Variants in ERG observed in about 807,000 individuals in gnomAD.
ERG encodes the protein ETS transcription factor ERG, also known as transcriptional regulator ERG.
Under a neutral mutation model 55.3 loss-of-function variants are expected in ERG, and 9 were observed. The observed-to-expected ratio is 0.16, with a 90% CI of 0.10 to 0.28. ERG has a LOEUF of 0.28. Among genes scored for constraint, ERG ranks in the 10% least tolerant of loss-of-function variants. ERG has a pLI of 1.00. For synonymous variants in ERG, 223 were observed against 237.3 expected (o/e 0.94, Z 0.55); for missense variants, 434 against 631.6 (o/e 0.69, Z 3.35).
intron 1 of ERG, among the ~76,000 whole-genome samples, chr21:38,618,066 C>T (rs1414843405): frequency 6.6e-6 from 1 of 152,176 alleles, no homozygotes; most frequent in African/African-American, 2.4e-5. Flanking sequence ...ACTTTGCCCA[C>T]TTGACAATGG....
In ERG at chr21:38,383,784, C is replaced by T; in HGVS notation, c.1059G>A (p.Glu353=). The part of the protein sequence containing the change: ...DPDEVARRWG[E]RKSKPNMNYD... Reference sequence around the variant, plus strand: ...AGTTCATGTTGGGTTTGCTCTTCCGCTCTCCCCAGCGCCGGGCCACCTCGT... The same window carrying T: ...AGTTCATGTTGGGTTTGCTCTTCCGTTCTCCCCAGCGCCGGGCCACCTCGT... Residue 353 remains glutamate, a synonymous_variant, in exon 10 of 10, where the codon GAG becomes GAA. Transcript: ENST00000288319. This position sits in a 1 kb window ranked among gnomAD's most constrained non-coding sequence, Gnocchi z 5.7. 6.2e-7 allele frequency: 1 copy of T among 1,614,172 alleles called. No homozygotes were observed. Among genetic ancestry groups the T allele is most frequent in the Non-Finnish European group, 8.5e-7 (1 of 1,180,032 alleles).
intron 2 of ERG, among the ~76,000 whole-genome samples, chr21:38,441,800 C>T (rs1304545628): frequency 6.6e-6 from 1 of 152,238 alleles, no homozygotes; most frequent in Non-Finnish European, 1.5e-5. Flanking sequence ...TGTTCCTCCC[C>T]TGCCTATTAC....
chr21:38,624,119 C>A (rs1225407548), intron 1 of ERG, among the ~76,000 whole-genome samples: 1 of 152,188 alleles, frequency 6.6e-6, no homozygotes, highest in East Asian at 1.9e-4. Context: ...ACTTGGCAGC[C>A]CCCACTCCTA....
At chr21:38,563,380 G>A (rs983521148) in intron 2 of ERG, among the ~76,000 whole-genome samples, 6 of 152,242 alleles carry the variant, frequency 3.9e-5, no homozygotes, top group Non-Finnish European at 7.3e-5. Context: ...AGTGGTGGAA[G>A]CTATGTATGT....
intron 9 of ERG, among the ~76,000 whole-genome samples, chr21:38,390,485 T>C (rs1987921881): frequency 6.6e-6 from 1 of 152,206 alleles, no homozygotes; most frequent in Non-Finnish European, 1.5e-5. Context: ...ATAGTAAGGT[T>C]ATGGGGTAGG....
chr21:38,451,012 A>T (rs2058936480), intron 1 of ERG: 1 of 434,324 alleles, frequency 2.3e-6, no homozygotes, highest in African/African-American at 2.0e-5. Flanking sequence ...AAGGCTGTAG[A>T]CTGGCCACTA....
intron 3 of ERG, among the ~76,000 whole-genome samples, chr21:38,408,861 T>C (rs1430881235): frequency 6.6e-6 from 1 of 152,166 alleles, no homozygotes; most frequent in Non-Finnish European, 1.5e-5. Context: ...AGGCATCACC[T>C]TTGCCTATGT....
intron 6 of ERG, among the ~76,000 whole-genome samples, chr21:38,399,750 C>A (rs1023335888): frequency 6.6e-6 from 1 of 152,234 alleles, no homozygotes; most frequent in South Asian, 2.1e-4. Context: ...CCCACCCCTG[C>A]TCCTACGCCC....
At chr21:38,536,079 C>T (rs62219614) in intron 2 of ERG, among the ~76,000 whole-genome samples, 60,303 of 151,884 alleles carry the variant, frequency 0.4, 12,962 homozygotes, top group Non-Finnish European at 0.49. Context: ...AGCAATTAGC[C>T]CCCTCTCTAC....
At chr21:38,496,168 T>C (rs754913782) in intron 1 of ERG, among the ~76,000 whole-genome samples, 1 of 152,244 alleles carries the variant, frequency 6.6e-6, no homozygotes, top group South Asian at 2.1e-4. Context: ...CTTTTCATAG[T>C]GTCTCATAGG....
At chr21:38,567,588 G>A (rs895352538) in intron 2 of ERG, among the ~76,000 whole-genome samples, 10 of 152,058 alleles carry the variant, frequency 6.6e-5, no homozygotes, top group African/African-American at 2.2e-4. Flanking sequence ...TGGGGGCGGG[G>A]GAACTCTGTC....
rs759803619 is a variant in ERG at position 38,391,670 on chromosome 21, C to G, written c.860G>C (p.Arg287Pro). Reference sequence around the variant, plus strand: ...CCCCTGAAACATACCTAACTGAGGACGCTGGTCTTCAGTTTTGGGCACTGT... The same window carrying G: ...CCCCTGAAACATACCTAACTGAGGAGGCTGGTCTTCAGTTTTGGGCACTGT... Reference protein sequence around the residue: ...PSTVPKTEDQRPQLDPYQILG... With the variant: ...PSTVPKTEDQPPQLDPYQILG... The change falls in exon 8 of 10, where the codon CGT (arginine) becomes CCT (proline). Residue 287 changes from arginine to proline, a missense_variant. Transcript: ENST00000288319. 6.2e-7 allele frequency: 1 copy of G among 1,613,520 alleles called. No individual in the cohort carries two copies. Among genetic ancestry groups the G allele is most frequent in the Non-Finnish European group, 8.5e-7 (1 of 1,179,754 alleles).
intron 1 of ERG, among the ~76,000 whole-genome samples, chr21:38,583,588 T>C (rs1161905566): frequency 6.6e-6 from 1 of 152,232 alleles, no homozygotes; most frequent in Non-Finnish European, 1.5e-5. Flanking sequence ...TTGAATTGTA[T>C]CAATTCTCTC....
intron 1 of ERG, among the ~76,000 whole-genome samples, chr21:38,628,721 C>T (rs2060339699): frequency 6.6e-6 from 1 of 152,216 alleles, no homozygotes; most frequent in Non-Finnish European, 1.5e-5. Context: ...CTGTCCCTTC[C>T]CTCCAGAAGC....
chr21:38,453,305 A>C (rs550745437), intron 1 of ERG, among the ~76,000 whole-genome samples: 1 of 152,366 alleles, frequency 6.6e-6, no homozygotes, highest in East Asian at 1.9e-4. Flanking sequence ...GAAAGCAGAA[A>C]CTCTAGAAAT....
intron 6 of ERG, 84 bp downstream of exon 6, chr21:38,400,490 G>T (rs1304251937): frequency 3.8e-6 from 4 of 1,062,082 alleles, no homozygotes; most frequent in Admixed American, 1.7e-5. Flanking sequence ...AGCTCTCTTT[G>T]TATCACGTGA....
intron 1 of ERG, among the ~76,000 whole-genome samples, chr21:38,481,076 C>T (rs1461570369): frequency 2.0e-5 from 3 of 152,154 alleles, no homozygotes; most frequent in Admixed American, 2.0e-4. Context: ...TAAGAGTATA[C>T]TGAGCCAAAA....
intron 2 of ERG, among the ~76,000 whole-genome samples, chr21:38,508,801 A>G (rs1210702372): frequency 6.6e-6 from 1 of 151,982 alleles, no homozygotes; most frequent in Non-Finnish European, 1.5e-5. Context: ...CCACGTTCCC[A>G]CTCCTTGAAT....
At chr21:38,613,607 G>A (rs1387966681) in intron 1 of ERG, among the ~76,000 whole-genome samples, 1 of 152,220 alleles carries the variant, frequency 6.6e-6, no homozygotes, top group African/African-American at 2.4e-5. Context: ...CACTGTGAAG[G>A]CAAGCAGGCT....
Sources: gnomAD v4.1 joint callset for allele counts (sites outside exome capture counted in the v4.1 genomes callset) on GRCh38, gnomAD v4.1.1 for gene constraint, Gnocchi (gnomAD v3.1) non-coding constraint, MANE v1.5 for transcripts, NCBI Gene and HGNC (gene_info 2026-07-23, HGNC 2026-07-21) for gene names.